BATF: variants seen among roughly 807,000 people sequenced by gnomAD.
BATF encodes the protein basic leucine zipper transcriptional factor ATF-like.
In BATF, 5 loss-of-function variants were observed where a neutral mutation model predicts 13.7. The ratio of observed to expected loss-of-function variants is 0.36; its 90% CI spans 0.19 to 0.77. The LOEUF (loss-of-function observed/expected upper bound fraction) is 0.77, where lower values mean the gene tolerates loss of function less well. BATF is among the 30% of genes least tolerant of loss of function. The pLI is 0.51. For missense variants in BATF, 124 were observed against 163.0 expected, an observed-to-expected ratio of 0.76 and a Z score of 1.30; for synonymous variants, 72 against 67.5, an observed-to-expected ratio of 1.07 and a Z score of -0.33.
rs931743585 is a variant in BATF, at chr14:75,522,567, A to C, written c.-116A>C. On this transcript the variant is annotated 5_prime_UTR_variant, in exon 1 of 3. Coordinates refer to ENST00000286639, the MANE Select transcript of BATF (RefSeq NM_006399.5). ...TGGCTACAGGGCAGGCAGAGGAGGC[A>C]CCTGTAGGGGGTGGTGGGCTGGTGG... The C allele has an allele frequency of 5.1e-6, 6 of 1,169,862 alleles. No individual in the cohort carries two copies. The highest frequency in any genetic ancestry group is 1.5e-5 in the African/African-American group (1 of 65,970). The allele number at this position is 1,169,862 out of a possible 1,614,324, so 72.5% of individuals were successfully genotyped here. A position where few individuals can be genotyped will look rare whatever the true frequency, so the allele number is the denominator to read the frequency against.
intron 2 of BATF, among the ~76,000 whole-genome samples, chr14:75,540,850 C>T (rs1887885721): frequency 6.6e-6 from 1 of 152,206 alleles, no homozygotes; most frequent in Admixed American, 6.5e-5. Context: ...CTTTGGGAGG[C>T]TGAGGCAGGC....
intron 1 of BATF, 118 bp downstream of exon 1, chr14:75,522,863 G>T: frequency 8.0e-7 from 1 of 1,242,418 alleles, no homozygotes; most frequent in East Asian, 2.4e-5. Flanking sequence ...CGTTGCACGG[G>T]CACTCTGTTA....
chr14:75,545,690 G>A (rs748560929), intron 2 of BATF, among the ~76,000 whole-genome samples: 2 of 152,004 alleles, frequency 1.3e-5, no homozygotes, highest in Non-Finnish European at 2.9e-5. Context: ...GGTGTAAGAC[G>A]TTCTCACAAA....
intron 2 of BATF, among the ~76,000 whole-genome samples, chr14:75,542,672 G>A (rs1887914614): frequency 6.6e-6 from 1 of 152,238 alleles, no homozygotes; most frequent in Non-Finnish European, 1.5e-5. Context: ...TCTCATAAGT[G>A]TCAGGCTGGC....
intron 2 of BATF, among the ~76,000 whole-genome samples, chr14:75,532,950 T>C (rs556010405): frequency 6.6e-6 from 1 of 152,346 alleles, no homozygotes; most frequent in African/African-American, 2.4e-5. Context: ...GGGTAGTTCA[T>C]CTTATTCTTG....
At chr14:75,530,062 A>C (rs1377378600) in intron 2 of BATF, among the ~76,000 whole-genome samples, 2 of 11,190 alleles carry the variant, frequency 1.8e-4, no homozygotes, top group African/African-American at 2.6e-4. Context: ...AGACTCCGTC[A>C]AAAAAAAAAA....
Position 75,546,823 on chromosome 14 carries a change from G to A in BATF, c.*152G>A. ...CGGGAACTGTCACGACTGGAAGGGC[G>A]TGAGGCCTCCCAGCAGTGCCGCAGC... On this transcript the variant is annotated 3_prime_UTR_variant, in exon 3 of 3. Coordinates refer to ENST00000286639, the MANE Select transcript of BATF (RefSeq NM_006399.5). The A allele has an allele frequency of 2.8e-6, 3 of 1,081,184 alleles. No homozygotes were observed. The highest frequency in any genetic ancestry group is 1.3e-5 in the South Asian group (1 of 74,322). The allele number at this position is 1,081,184 out of a possible 1,614,324, so 67.0% of individuals were successfully genotyped here. A position where few individuals can be genotyped will look rare whatever the true frequency, so the allele number is the denominator to read the frequency against.
chr14:75,530,500 G>A (rs551038418), intron 2 of BATF, among the ~76,000 whole-genome samples: 1 of 152,056 alleles, frequency 6.6e-6, no homozygotes, highest in Admixed American at 6.5e-5. Flanking sequence ...ACCAATAAGG[G>A]ATTCAATAAA....
At chr14:75,542,051 G>C (rs1047790877) in intron 2 of BATF, among the ~76,000 whole-genome samples, 1 of 152,140 alleles carries the variant, frequency 6.6e-6, no homozygotes, top group Non-Finnish European at 1.5e-5. Flanking sequence ...GGAACACAGG[G>C]CCCCGAGCCA....
chr14:75,544,726 C>G (rs1258918671), intron 2 of BATF, among the ~76,000 whole-genome samples: 1 of 151,764 alleles, frequency 6.6e-6, no homozygotes, highest in Non-Finnish European at 1.5e-5. Flanking sequence ...AAATACTGAC[C>G]TAATCCAAAT....
rs766614796 is a variant in BATF, at chr14:75,525,161, G to A, written c.141G>A (p.Gln47=). 1.2e-6 allele frequency: 2 copies of A among 1,613,946 alleles called. No individual in the cohort carries two copies. The highest frequency in any genetic ancestry group is 2.7e-5 in the African/African-American group (2 of 74,908). The change falls in exon 2 of 3, where the codon CAG becomes CAA. Residue 47 remains glutamine (Q), a synonymous_variant. Coordinates refer to ENST00000286639, the MANE Select transcript of BATF (RefSeq NM_006399.5). ...RIAAQKSRQR[Q]TQKADTLHLE... Reference sequence around the variant, plus strand: ...CCGCCCAGAAGAGCCGACAGAGGCAGACACAGAAGGCCGACACCCTGCACC... The same window carrying A: ...CCGCCCAGAAGAGCCGACAGAGGCAAACACAGAAGGCCGACACCCTGCACC...
chr14:75,545,608 T>C (rs1043182346), intron 2 of BATF, among the ~76,000 whole-genome samples: 2 of 152,114 alleles, frequency 1.3e-5, no homozygotes, highest in African/African-American at 4.8e-5. Flanking sequence ...TGACTTTATT[T>C]GTAAGACGAA....
intron 2 of BATF, among the ~76,000 whole-genome samples, chr14:75,545,183 G>T (rs1363149529): frequency 1.3e-5 from 2 of 151,974 alleles, no homozygotes; most frequent in Non-Finnish European, 2.9e-5. Flanking sequence ...AAACGTTGTA[G>T]CAGACTTTGA....
intron 1 of BATF, among the ~76,000 whole-genome samples, chr14:75,522,982 A>G (rs902990578): frequency 6.6e-6 from 1 of 152,128 alleles, no homozygotes; most frequent in African/African-American, 2.4e-5. Flanking sequence ...AAGGCTGCCT[A>G]TCACCTCTGC....
intron 2 of BATF, among the ~76,000 whole-genome samples, chr14:75,527,843 C>T (rs1259744437): frequency 1.3e-5 from 2 of 152,196 alleles, no homozygotes; most frequent in African/African-American, 4.8e-5. Flanking sequence ...TCGTCTTTAC[C>T]TTTTGCCCAA....
At chr14:75,525,805 T>A (rs1057177496) in intron 2 of BATF, among the ~76,000 whole-genome samples, 1 of 148,782 alleles carries the variant, frequency 6.7e-6, no homozygotes, top group African/African-American at 2.6e-5. Context: ...AGGTATCAAG[T>A]GCTTTGGGGA....
At chr14:75,528,415 G>C (rs1040660369) in intron 2 of BATF, among the ~76,000 whole-genome samples, 1 of 152,168 alleles carries the variant, frequency 6.6e-6, no homozygotes, top group African/African-American at 2.4e-5. Context: ...TCCTATAAAT[G>C]GCTGGCACCA....
rs145449763 is a variant in BATF, at chr14:75,543,209, G to A, written c.169-3253G>A. ...GGATGTGCCAGGAAATACCCAAATG[G>A]TAAAATGAATGAGCCGGCCACACCT... is the stretch of plus-strand genomic sequence containing the variant. On this transcript the variant is annotated intron_variant, in intron 2 of 2. Transcript: ENST00000286639. Among the ~76,000 whole-genome samples, 24 of 152,316 alleles carry A rather than the reference G, an allele frequency of 1.6e-4. No individual in the cohort carries two copies. The East Asian group carries it at 4.6e-3, about 29-fold the overall frequency.
chr14:75,538,687 G>A (rs1343248668), intron 2 of BATF, among the ~76,000 whole-genome samples: 1 of 152,354 alleles, frequency 6.6e-6, no homozygotes, highest in Non-Finnish European at 1.5e-5. Flanking sequence ...GGATCACGAG[G>A]TCAGGAGATC....
Sources: allele counts gnomAD v4.1 joint callset (sites outside exome capture counted in the v4.1 genomes callset), GRCh38; gene constraint gnomAD v4.1.1; transcripts MANE v1.5; gene names NCBI Gene and HGNC (gene_info 2026-07-23, HGNC 2026-07-21).